The following GUCY1A2 variants were observed in gnomAD, a reference collection of about 807,000 sequenced individuals.
GUCY1A2 encodes the protein guanylate cyclase 1 soluble subunit alpha 2.
In GUCY1A2, 27 loss-of-function variants were observed where a neutral mutation model predicts 63.5. The observed-to-expected ratio is 0.43, with a 90% CI of 0.31 to 0.59. The LOEUF (loss-of-function observed/expected upper bound fraction) is 0.59, where lower values mean the gene tolerates loss of function less well. Ranked by LOEUF, GUCY1A2 falls within the 20% of genes least tolerant of loss-of-function variation. The pLI is 0.11. For synonymous variants in GUCY1A2, 364 were observed against 343.5 expected (o/e 1.06, Z -0.66); for missense variants, 768 against 913.3 (o/e 0.84, Z 2.05).
rs74618425 is a variant in GUCY1A2 at position 106,751,896 on chromosome 11, A to G, written c.1836+24543T>C. On this transcript the variant is annotated intron_variant, in intron 6 of 7. Coordinates refer to ENST00000526355, the MANE Select transcript of GUCY1A2 (RefSeq NM_000855.3). ...TTTCCATATTTTGCTGCAGAATTTT[A>G]TATATTTCTACATTGATAAATCTGT... 1.1e-3 allele frequency among the ~76,000 whole-genome samples: 161 copies of G among 152,316 alleles called. 1 individual carries two copies. The highest frequency in any genetic ancestry group is 3.7e-3 in the African/African-American group (155 of 41,568).
intron 4 of GUCY1A2, among the ~76,000 whole-genome samples, chr11:106,890,217 G>A (rs943189575): frequency 1.3e-5 from 2 of 152,062 alleles, no homozygotes; most frequent in East Asian, 3.9e-4. Context: ...TGCTATAAGG[G>A]TACTTCATCA....
intron 4 of GUCY1A2, among the ~76,000 whole-genome samples, chr11:106,914,153 T>C (rs565494073): frequency 3.3e-5 from 5 of 152,062 alleles, no homozygotes; most frequent in Non-Finnish European, 7.4e-5. Flanking sequence ...GTAAGTATAT[T>C]ACACTGAATA....
At chr11:106,904,767 C>CAAAA (rs543493159) in intron 4 of GUCY1A2, among the ~76,000 whole-genome samples, 9 of 145,378 alleles carry the variant, frequency 6.2e-5, no homozygotes, top group Admixed American at 4.1e-4. Context: ...AGTGAGAGCT[C>CAAAA]AAAAAAAAAC....
chr11:106,924,359 A>T (rs2119915544), intron 4 of GUCY1A2, among the ~76,000 whole-genome samples: 1 of 152,308 alleles, frequency 6.6e-6, no homozygotes, highest in African/African-American at 2.4e-5. Flanking sequence ...CATTCCCAAA[A>T]TTGATCCTAG....
At chr11:106,933,869 G>C (rs986448046) in intron 4 of GUCY1A2, among the ~76,000 whole-genome samples, 2 of 152,046 alleles carry the variant, frequency 1.3e-5, no homozygotes, top group Non-Finnish European at 1.5e-5. Flanking sequence ...ACCAAATACC[G>C]CATGTTCTCA....
Position 106,944,215 on chromosome 11 carries a change from CA to C in GUCY1A2, c.488-4038del, listed in dbSNP as rs71041701. The stretch of plus-strand genomic sequence containing the variant: ...GGGCAACAGAGTGAGACCCTGTCTC[CA>C]AAAAAAAAAAAAAAAAAAAAGCAGG... On this transcript the variant is annotated intron_variant, in intron 3 of 7. Coordinates refer to ENST00000526355, the MANE Select transcript of GUCY1A2 (RefSeq NM_000855.3). Among the ~76,000 whole-genome samples, 84 of 21,576 alleles carry C rather than the reference CA, an allele frequency of 3.9e-3. 2 individuals carry two copies. The highest frequency in any genetic ancestry group is 0.026 in the Middle Eastern group (1 of 38). 14.2% of individuals were successfully genotyped at this position (21,576 alleles called of 152,430 possible). A position where few individuals can be genotyped will look rare whatever the true frequency, so the allele number is the denominator to read the frequency against.
chr11:106,909,353 A>ATGTGTGTGTGTGTGTGTG (rs1565328453), intron 4 of GUCY1A2, among the ~76,000 whole-genome samples: 19 of 27,842 alleles, frequency 6.8e-4, no homozygotes, highest in South Asian at 5.2e-3. Context: ...GGTGGTACTC[A>ATGTGTGTGTGTGTGTGTG]TCTGTGTGTG....
chr11:106,882,372 T>C (rs990793110), intron 4 of GUCY1A2, among the ~76,000 whole-genome samples: 5 of 152,016 alleles, frequency 3.3e-5, no homozygotes, highest in African/African-American at 4.8e-5. Context: ...TTGCTAACTG[T>C]GCACCTTTTC....
At chr11:106,937,790 G>C (rs892188179) in intron 4 of GUCY1A2, among the ~76,000 whole-genome samples, 3 of 152,052 alleles carry the variant, frequency 2.0e-5, no homozygotes, top group Non-Finnish European at 4.4e-5. Context: ...AATTCATTCA[G>C]ACTAAAATAT....
intron 4 of GUCY1A2, among the ~76,000 whole-genome samples, chr11:106,928,931 T>C (rs1860565884): frequency 6.6e-6 from 1 of 152,196 alleles, no homozygotes; most frequent in Non-Finnish European, 1.5e-5. Context: ...AAATAAAATG[T>C]GGTAAACTGT....
At chr11:106,723,748 A>G (rs924597663) in intron 6 of GUCY1A2, among the ~76,000 whole-genome samples, 1 of 152,198 alleles carries the variant, frequency 6.6e-6, no homozygotes, top group African/African-American at 2.4e-5. Flanking sequence ...ACTTGAATCC[A>G]GGAGGCGGAG....
chr11:106,814,263 C>T (rs1858802007), intron 4 of GUCY1A2, among the ~76,000 whole-genome samples: 1 of 152,016 alleles, frequency 6.6e-6, no homozygotes, highest in Admixed American at 6.6e-5. Flanking sequence ...GATTTGGTTT[C>T]TGGTCTTTCA....
chr11:106,842,010 C>T (rs1859205152), intron 4 of GUCY1A2, among the ~76,000 whole-genome samples: 1 of 151,900 alleles, frequency 6.6e-6, no homozygotes, highest in African/African-American at 2.4e-5. Flanking sequence ...CATTCCCCTG[C>T]ACTCTAGTTT....
intron 6 of GUCY1A2, among the ~76,000 whole-genome samples, chr11:106,756,297 A>C (rs1863972776): frequency 6.6e-6 from 1 of 152,192 alleles, no homozygotes; most frequent in Non-Finnish European, 1.5e-5. Context: ...TTGACTCTTC[A>C]TCCAATTTGC....
chr11:106,942,027 C>T (rs996463621), intron 3 of GUCY1A2, among the ~76,000 whole-genome samples: 1 of 152,156 alleles, frequency 6.6e-6, no homozygotes, highest in Non-Finnish European at 1.5e-5. Context: ...ACAATAATGT[C>T]AGCCAGAATA....
chr11:106,704,382 T>G (rs1862869528), intron 7 of GUCY1A2, among the ~76,000 whole-genome samples: 1 of 152,138 alleles, frequency 6.6e-6, no homozygotes, highest in South Asian at 2.1e-4. Flanking sequence ...TCCAAAGAAA[T>G]TAAGTCACTA....
intron 4 of GUCY1A2, among the ~76,000 whole-genome samples, chr11:106,927,722 G>A (rs1011612542): frequency 2.0e-5 from 3 of 151,272 alleles, no homozygotes; most frequent in South Asian, 2.1e-4. Context: ...CCACCACCAC[G>A]CCCGGCTAAT....
intron 6 of GUCY1A2, among the ~76,000 whole-genome samples, chr11:106,718,203 T>C (rs34561979): frequency 0.18 from 27,822 of 152,106 alleles, 2,699 homozygotes; most frequent in Middle Eastern, 0.25. Flanking sequence ...CAGAAAGTAT[T>C]TGACCAAATA....
intron 3 of GUCY1A2, among the ~76,000 whole-genome samples, chr11:106,959,099 G>C (rs368094265): frequency 6.6e-6 from 1 of 152,112 alleles, no homozygotes; most frequent in Admixed American, 6.6e-5. Context: ...ATTCGTTACG[G>C]TCTCAAAGTA....
Sources: allele counts gnomAD v4.1 joint callset (sites outside exome capture counted in the v4.1 genomes callset), GRCh38; gene constraint gnomAD v4.1.1; transcripts MANE v1.5; gene names NCBI Gene and HGNC (gene_info 2026-07-23, HGNC 2026-07-21).